Variants in JUP observed in about 807,000 individuals in gnomAD.
JUP encodes the protein catenin (cadherin-associated protein), gamma 80kDa.
A neutral mutation model predicts 71.1 loss-of-function variants in JUP; 28 were observed. The observed-to-expected ratio is 0.39, with a 90% confidence interval of 0.29 to 0.54. The LOEUF is 0.54. JUP is among the 20% of genes least tolerant of loss of function. The pLI, the probability that JUP is intolerant of heterozygous loss-of-function variation, is 0.62. For missense variants in JUP, 869 were observed against 1,030.1 expected, an observed-to-expected ratio of 0.84 and a Z score of 2.14; for synonymous variants, 401 against 438.9, an observed-to-expected ratio of 0.91 and a Z score of 1.08.
intron 5 of JUP, among the ~76,000 whole-genome samples, 175 bp downstream of exon 5, chr17:41,767,204 T>G (rs188297961): frequency 6.6e-6 from 1 of 152,206 alleles, no homozygotes; most frequent in African/African-American, 2.4e-5. Context: ...GTGATTTTTT[T>G]TTTCCCTTAT....
At chr17:41,778,638 A>G (rs7211296) in intron 1 of JUP, among the ~76,000 whole-genome samples, 82,171 of 151,516 alleles carry the variant, frequency 0.54, 23,411 homozygotes, top group Middle Eastern at 0.69. Flanking sequence ...GTTGCCGAGC[A>G]CGGTGGCTCA....
intron 10 of JUP, 26 bp from the exon 11 acceptor site, chr17:41,757,810 G>C (rs782649185): frequency 6.3e-7 from 1 of 1,592,716 alleles, no homozygotes; most frequent in Non-Finnish European, 8.6e-7. Flanking sequence ...GTGGGAAGCA[G>C]GGGAGAGGTG....
At position 41,767,414 on chromosome 17, in the gene JUP, G is replaced by C. The variant is rs1915903019; in HGVS notation, c.874C>G (p.Leu292Val). The stretch of plus-strand genomic sequence containing the variant: ...TGGTTGCCGTAGGCCAGGAGCTGCA[G>C]GCAGTCGGTGGTGATGGCCAGGAAC... Reference protein sequence around the residue: ...PKFLAITTDCLQLLAYGNQES... With the variant: ...PKFLAITTDCVQLLAYGNQES... Residue 292 changes from leucine to valine, a missense_variant, in exon 5 of 14, where the codon CTG (leucine) becomes GTG (valine). Leu to Val is a conservative substitution (Grantham distance 32, BLOSUM62 1). Transcript: ENST00000393931. The C allele has an allele frequency of 6.2e-7, 1 of 1,614,218 alleles. No homozygotes were observed. Among genetic ancestry groups the C allele is most frequent in the Non-Finnish European group, 8.5e-7 (1 of 1,180,056 alleles).
chr17:41,772,092 G>C, intron 1 of JUP: 1 of 624,510 alleles, frequency 1.6e-6, no homozygotes, highest in Admixed American at 2.3e-5. Flanking sequence ...GTGCGGCTGT[G>C]TGTATGTCCT....
chr17:41,774,003 A>G (rs1468024493), intron 1 of JUP, among the ~76,000 whole-genome samples: 2 of 152,214 alleles, frequency 1.3e-5, no homozygotes, highest in Non-Finnish European at 2.9e-5. Flanking sequence ...GCCCTCCTGC[A>G]TAGACAGTGC....
intron 8 of JUP, among the ~76,000 whole-genome samples, chr17:41,762,172 A>T (rs1243063034): frequency 0.1 from 4,519 of 43,208 alleles, 97 homozygotes; most frequent in African/African-American, 0.24. Context: ...AGAGAGAGAG[A>T]GAGAGTGTGT....
chr17:41,758,326 A>C lies in JUP; in HGVS notation c.1773+73T>G, dbSNP rs185279171. On this transcript the variant is annotated intron_variant, in intron 10 of 13. Transcript: ENST00000393931. Reference sequence around the variant, plus strand: ...CTTGATACCTGGTCCAGGCCTCCCAAATCTGGGACTCCTAACCTTGCCCTT... The same window carrying C: ...CTTGATACCTGGTCCAGGCCTCCCACATCTGGGACTCCTAACCTTGCCCTT... 816 of 1,597,274 alleles carry C rather than the reference A, an allele frequency of 5.1e-4. 9 individuals are homozygous for C. The African/African-American group carries it at 9.8e-3, about 19-fold the overall frequency.
intron 1 of JUP, among the ~76,000 whole-genome samples, chr17:41,777,713 G>T (rs2046953245): frequency 1.3e-5 from 2 of 152,228 alleles, no homozygotes; most frequent in African/African-American, 2.4e-5. Context: ...CTGGGGCCTG[G>T]GGGAGGCTCA....
In JUP at chr17:41,771,660, C is replaced by A. The variant is rs1454514424; in HGVS notation, c.195G>T (p.Val65=). 8.1e-6 allele frequency: 13 copies of A among 1,613,512 alleles called. No individual in the cohort carries two copies. Among genetic ancestry groups the A allele is most frequent in the Non-Finnish European group, 1.1e-5 (13 of 1,180,004 alleles). The change falls in exon 2 of 14, where the codon GTG becomes GTT. Residue 65 remains valine (V), a synonymous_variant. Transcript: ENST00000393931. The stretch of plus-strand genomic sequence containing the variant: ...AGGGGTCCTGACCTTGGCTGGGGGG[C>A]ACCCCCTGGGTGTAAGTGGTGGTTT... The part of the protein sequence containing the change: ...LKKTTTYTQG[V]PPSQGDLEYQ...
rs200222165 is a variant in JUP at position 41,755,726 on chromosome 17, G to C, written c.*18C>G. The C allele has an allele frequency of 3.2e-6, 5 of 1,558,400 alleles. No individual in the cohort carries two copies. Among genetic ancestry groups the C allele is most frequent in the Non-Finnish European group, 4.4e-6 (5 of 1,148,422 alleles). Reference sequence around the variant, plus strand: ...AGGAAAAGCCTGCAAAGAGGGGGCCGTACTGGGGCCAGGCCGCCTAGGCCA... The same window carrying C: ...AGGAAAAGCCTGCAAAGAGGGGGCCCTACTGGGGCCAGGCCGCCTAGGCCA... On this transcript the variant is annotated 3_prime_UTR_variant, in exon 14 of 14. Coordinates refer to ENST00000393931, the MANE Select transcript of JUP (RefSeq NM_002230.4).
intron 1 of JUP, among the ~76,000 whole-genome samples, chr17:41,781,772 A>G (rs948853879): frequency 6.6e-6 from 1 of 152,174 alleles, no homozygotes; most frequent in East Asian, 1.9e-4. Context: ...GAGAAGAGTC[A>G]ATGCTGAGTC....
intron 8 of JUP, among the ~76,000 whole-genome samples, chr17:41,761,074 C>G (rs1914731231): frequency 6.6e-6 from 1 of 152,162 alleles, no homozygotes; most frequent in Non-Finnish European, 1.5e-5. Context: ...TCTGCCCACA[C>G]CCTGACCCAC....
At chr17:41,775,555 G>C (rs1567827019) in intron 1 of JUP, among the ~76,000 whole-genome samples, 1 of 152,232 alleles carries the variant, frequency 6.6e-6, no homozygotes, top group Non-Finnish European at 1.5e-5. Flanking sequence ...CAATGCCCCT[G>C]GACAGAGCCA....
intron 10 of JUP, 48 bp from the exon 11 acceptor site, chr17:41,757,832 G>A (rs1555599072): frequency 1.3e-6 from 2 of 1,536,552 alleles, no homozygotes; most frequent in Non-Finnish European, 1.8e-6. Flanking sequence ...AAAGGGGTGA[G>A]GCAGGCCGGA....
At chr17:41,771,416 C>A in intron 2 of JUP, 1 of 595,450 alleles carries the variant, frequency 1.7e-6, no homozygotes, top group South Asian at 2.0e-5. Flanking sequence ...AGGGACTATG[C>A]CTTCCCTCCC....
intron 1 of JUP, among the ~76,000 whole-genome samples, chr17:41,776,235 G>C (rs1273188734): frequency 6.6e-6 from 1 of 152,258 alleles, no homozygotes; most frequent in Admixed American, 6.5e-5. Flanking sequence ...AGGTCCCCAG[G>C]CTCAGACAGC....
chr17:41,779,731 T>C (rs1555609848), intron 1 of JUP, among the ~76,000 whole-genome samples: 1 of 152,008 alleles, frequency 6.6e-6, no homozygotes, highest in Non-Finnish European at 1.5e-5. Context: ...AGTGGCACAA[T>C]CATGGCTCAC....
intron 7 of JUP, among the ~76,000 whole-genome samples, 179 bp downstream of exon 7, chr17:41,764,534 G>GAAAAAAAAA (rs1555603054): frequency 1.2e-5 from 1 of 83,910 alleles, no homozygotes; most frequent in East Asian, 3.3e-4. Flanking sequence ...GACTCCGTCA[G>GAAAAAAAAA]AAAAAAAAAA....
At chr17:41,770,220 AACC>A (rs80242731) in intron 2 of JUP, among the ~76,000 whole-genome samples, 10,735 of 152,184 alleles carry the variant, frequency 0.071, 485 homozygotes, top group Non-Finnish European at 0.1. Context: ...AGGCCCAGAG[AACC>A]ACCAACATCA....
Sources: allele counts gnomAD v4.1 joint callset (sites outside exome capture counted in the v4.1 genomes callset), GRCh38; gene constraint gnomAD v4.1.1; transcripts MANE v1.5; gene names NCBI Gene and HGNC (gene_info 2026-07-23, HGNC 2026-07-21).